Variants in PPM1E observed in about 807,000 individuals in gnomAD.
PPM1E encodes protein phosphatase, Mg2+/Mn2+ dependent 1E, also known as protein phosphatase 1E.
In PPM1E, 20 loss-of-function variants were observed where a neutral mutation model predicts 65.9. The observed-to-expected ratio is 0.30, with a 90% CI of 0.21 to 0.44. The LOEUF (loss-of-function observed/expected upper bound fraction) is 0.44, where lower values mean the gene tolerates loss of function less well. Among genes scored for constraint, PPM1E ranks in the 20% least tolerant of loss-of-function variants. The pLI, the probability that PPM1E is intolerant of heterozygous loss-of-function variation, is 1.00. For synonymous variants in PPM1E, 352 were observed against 374.9 expected, an observed-to-expected ratio of 0.94 and a Z score of 0.70; for missense variants, 713 against 953.1, an observed-to-expected ratio of 0.75 and a Z score of 3.32.
At chr17:58,947,308 C>T (rs1178657035) in intron 1 of PPM1E, among the ~76,000 whole-genome samples, 4 of 142,674 alleles carry the variant, frequency 2.8e-5, no homozygotes, top group Admixed American at 2.2e-4. Context: ...GTGATCTCAG[C>T]TCACTGCAAC....
At chr17:58,907,757 G>A (rs570075065) in intron 1 of PPM1E, among the ~76,000 whole-genome samples, 35 of 152,292 alleles carry the variant, frequency 2.3e-4, no homozygotes, top group Admixed American at 5.9e-4. Flanking sequence ...CTTCAGCCCT[G>A]ATAACATTCC....
rs2049753383 is a variant in PPM1E, at chr17:58,755,912, C to G, written c.-86C>G. On this transcript the variant is annotated 5_prime_UTR_variant, in exon 1 of 7. Transcript: ENST00000308249. ...CGGTGCGGCCGTTAACCGCCCTTGC[C>G]GGAGCCCTAGGCTCAAAAGCAGCCC... The G allele has an allele frequency of 6.4e-7, 1 of 1,568,862 alleles. No homozygotes were observed.
Position 58,772,354 on chromosome 17 carries a change from G to A in PPM1E, c.464+15893G>A, listed in dbSNP as rs148557309. Among the ~76,000 whole-genome samples the A allele has an allele frequency of 8.1e-3, 1,235 of 152,226 alleles. 14 individuals are homozygous for A. The highest frequency in any genetic ancestry group is 0.024 in the Middle Eastern group (7 of 294). On this transcript the variant is annotated intron_variant, in intron 1 of 6. Transcript: ENST00000308249. Reference sequence around the variant, plus strand: ...GCCTGTAGCCCCAGCTACTCAGGAGGCTGAGGCAGGAGAATTGCTTGAACT... The same window carrying A: ...GCCTGTAGCCCCAGCTACTCAGGAGACTGAGGCAGGAGAATTGCTTGAACT...
chr17:58,930,463 C>G (rs949801265), intron 1 of PPM1E, among the ~76,000 whole-genome samples: 1 of 150,702 alleles, frequency 6.6e-6, no homozygotes. Flanking sequence ...GACCCTGTCT[C>G]AAAAAAAGAA....
rs563024254 is a variant in PPM1E, at chr17:58,781,969, T to G, written c.464+25508T>G. On this transcript the variant is annotated intron_variant, in intron 1 of 6. Coordinates refer to ENST00000308249, the MANE Select transcript of PPM1E (RefSeq NM_014906.5). ...AGATTTTTGTAAACTTTTTTACTTA[T>G]TATGTTTTAAGTTTTTTTTCCAACA... is the stretch of plus-strand genomic sequence containing the variant. Among the ~76,000 whole-genome samples the G allele has an allele frequency of 5.3e-5, 8 of 152,322 alleles. No homozygotes were observed. In the East Asian group the frequency reaches 1.5e-3, roughly 29 times the overall value.
At chr17:58,774,179 CATT>C (rs1207579143) in intron 1 of PPM1E, among the ~76,000 whole-genome samples, 17 of 146,208 alleles carry the variant, frequency 1.2e-4, no homozygotes, top group Non-Finnish European at 2.6e-4. Context: ...CCAAAAAAAA[CATT>C]ATAGGTAATT....
intron 1 of PPM1E, among the ~76,000 whole-genome samples, chr17:58,891,101 G>A (rs935715300): frequency 1.3e-5 from 2 of 151,916 alleles, no homozygotes; most frequent in African/African-American, 4.8e-5. Context: ...CTCCCAAGTA[G>A]CTGGGATTAC....
intron 2 of PPM1E, among the ~76,000 whole-genome samples, chr17:58,959,649 G>A (rs1272449772): frequency 6.8e-6 from 1 of 147,122 alleles, no homozygotes; most frequent in African/African-American, 2.5e-5. Context: ...TTACAGGCGT[G>A]AGCCACTGCA....
intron 1 of PPM1E, among the ~76,000 whole-genome samples, chr17:58,940,440 T>C (rs949794798): frequency 1.3e-5 from 2 of 152,214 alleles, no homozygotes; most frequent in African/African-American, 4.8e-5. Flanking sequence ...TATCTAGCTA[T>C]TAGTCAGCTA....
At chr17:58,969,422 T>C in intron 3 of PPM1E, 117 bp from the exon 4 acceptor site, 3 of 972,302 alleles carry the variant, frequency 3.1e-6, no homozygotes, top group Non-Finnish European at 4.9e-6. Flanking sequence ...AGTCTCATTA[T>C]TCTGAATGAC....
chr17:58,947,443 G>C (rs1447628177), intron 1 of PPM1E, among the ~76,000 whole-genome samples: 1 of 151,418 alleles, frequency 6.6e-6, no homozygotes, highest in Non-Finnish European at 1.5e-5. Flanking sequence ...CACCATGTTA[G>C]CCAGGCTGGT....
chr17:58,785,168 A>C (rs947073223), intron 1 of PPM1E, among the ~76,000 whole-genome samples: 1 of 151,928 alleles, frequency 6.6e-6, no homozygotes, highest in African/African-American at 2.4e-5. Flanking sequence ...TTGGAGTTCA[A>C]TTTGATTCTT....
At chr17:58,841,148 A>G (rs1264650234) in intron 1 of PPM1E, among the ~76,000 whole-genome samples, 7 of 152,220 alleles carry the variant, frequency 4.6e-5, no homozygotes. Context: ...TGATATATAA[A>G]TAATTGGATA....
chr17:58,973,951 CAAAAAAAAAAAAA>C (rs34819561), intron 6 of PPM1E, among the ~76,000 whole-genome samples: 48 of 55,502 alleles, frequency 8.6e-4, no homozygotes, highest in African/African-American at 2.7e-3. Context: ...GACTCCATCT[CAAAAAAAAAAAAA>C]AAAAAAAAAA....
chr17:58,781,031 A>G (rs979551442), intron 1 of PPM1E, among the ~76,000 whole-genome samples: 3 of 152,168 alleles, frequency 2.0e-5, no homozygotes, highest in African/African-American at 7.2e-5. Context: ...CTGGAAGTCT[A>G]TAATGGTAAA....
chr17:58,805,972 A>C (rs1261836946), intron 1 of PPM1E, among the ~76,000 whole-genome samples: 4 of 121,990 alleles, frequency 3.3e-5, no homozygotes, highest in African/African-American at 1.3e-4. Context: ...AAAAAAAAAA[A>C]ACAAAAAAAA....
intron 1 of PPM1E, among the ~76,000 whole-genome samples, chr17:58,865,751 A>T (rs2050995726): frequency 6.6e-6 from 1 of 152,330 alleles, no homozygotes; most frequent in East Asian, 1.9e-4. Flanking sequence ...CAAATAGTTT[A>T]TCTCCCCTTT....
chr17:58,871,472 G>A (rs2051069048), intron 1 of PPM1E, among the ~76,000 whole-genome samples: 1 of 152,014 alleles, frequency 6.6e-6, no homozygotes, highest in African/African-American at 2.4e-5. Flanking sequence ...CTCATCTTTG[G>A]GACTTATTTT....
intron 1 of PPM1E, among the ~76,000 whole-genome samples, chr17:58,895,704 G>A (rs1345020285): frequency 1.3e-5 from 2 of 152,072 alleles, no homozygotes; most frequent in East Asian, 1.9e-4. Flanking sequence ...TCAGCTACTC[G>A]GGAGGCTTAG....
Sources: gnomAD v4.1 joint callset for allele counts (sites outside exome capture counted in the v4.1 genomes callset) on GRCh38, gnomAD v4.1.1 for gene constraint, MANE v1.5 for transcripts, NCBI Gene and HGNC (gene_info 2026-07-23, HGNC 2026-07-21) for gene names.